Variants in GRM1 observed in about 807,000 individuals in gnomAD.
GRM1 encodes metabotropic glutamate receptor 1.
Under a neutral mutation model 90.9 loss-of-function variants are expected in GRM1, and 33 were observed. That is an observed-to-expected ratio of 0.36 (90% CI 0.28 to 0.49). GRM1 has a LOEUF of 0.49. Among genes scored for constraint, GRM1 ranks in the 20% least tolerant of loss-of-function variants. GRM1 has a pLI of 0.99. For missense variants in GRM1, 1,190 were observed against 1,534.3 expected, an observed-to-expected ratio of 0.78 and a Z score of 3.75; for synonymous variants, 700 against 613.2, an observed-to-expected ratio of 1.14 and a Z score of -2.09.
intron 2 of GRM1, among the ~76,000 whole-genome samples, chr6:146,270,956 T>TTCCTTCCTTCCTTC (rs1562571418): frequency 2.0e-4 from 17 of 84,550 alleles, no homozygotes; most frequent in African/African-American, 1.0e-3. Context: ...TTCCTTCCTT[T>TTCCTTCCTTCCTTC]CTTTCTTTCT....
At position 146,029,771 on chromosome 6, in the gene GRM1, C is replaced by T. The variant is rs1790643808; in HGVS notation, c.254C>T (p.Thr85Met). 1 of 1,614,072 alleles carries T rather than the reference C, an allele frequency of 6.2e-7. No individual in the cohort carries two copies. The highest frequency in any genetic ancestry group is 8.5e-7 in the Non-Finnish European group (1 of 1,179,974). ...CAGAGGGTGGAGGCCATGTTCCACA[C>T]GTTGGATAAGATCAACGCGGACCCG... ...GIQRVEAMFH[T>M]LDKINADPVL... Residue 85 changes from threonine to methionine, a missense_variant, in exon 1 of 8, where the codon ACG (threonine) becomes ATG (methionine). Around this residue, in one of 10 missense-constraint regions of GRM1, gnomAD observed 91 missense variants for 95.6 expected, o/e 0.95. Transcript: ENST00000282753.
intron 1 of GRM1, among the ~76,000 whole-genome samples, chr6:146,143,892 T>A (rs1776991482): frequency 1.3e-5 from 2 of 152,164 alleles, no homozygotes; most frequent in Admixed American, 1.3e-4. Context: ...ATTTTGAACA[T>A]GAATAAAGAA....
chr6:146,039,019 G>A (rs1790997369), intron 1 of GRM1, among the ~76,000 whole-genome samples: 1 of 151,946 alleles, frequency 6.6e-6, no homozygotes, highest in Non-Finnish European at 1.5e-5. Flanking sequence ...CAGAGAAGAA[G>A]TCATGTCCAG....
Position 146,029,796 on chromosome 6 carries a change from G to A in GRM1, c.279G>A (p.Pro93=), listed in dbSNP as rs762412199. 1.9e-6 allele frequency: 3 copies of A among 1,613,900 alleles called. No homozygotes were observed. The highest frequency in any genetic ancestry group is 2.7e-5 in the African/African-American group (2 of 74,880). ...FHTLDKINAD[P]VLLPNITLGS... ...CGTTGGATAAGATCAACGCGGACCC[G>A]GTCCTCCTGCCCAACATCACCCTGG... is the stretch of plus-strand genomic sequence containing the variant. Residue 93 remains proline (P), a synonymous_variant, in exon 1 of 8, where the codon CCG becomes CCA. Transcript: ENST00000282753.
At chr6:146,205,603 G>A (rs1779468396) in intron 2 of GRM1, among the ~76,000 whole-genome samples, 1 of 152,184 alleles carries the variant, frequency 6.6e-6, no homozygotes, top group Admixed American at 6.5e-5. Context: ...TAACAATGCA[G>A]CATATTCTTC....
At chr6:146,404,057 T>G (rs1777248135) in intron 7 of GRM1, among the ~76,000 whole-genome samples, 1 of 152,142 alleles carries the variant, frequency 6.6e-6, no homozygotes, top group Non-Finnish European at 1.5e-5. Flanking sequence ...CATTTACTAT[T>G]CTGGCTCACA....
chr6:146,332,333 A>G (rs887183743), intron 3 of GRM1, among the ~76,000 whole-genome samples: 3 of 152,276 alleles, frequency 2.0e-5, no homozygotes, highest in South Asian at 2.1e-4. Context: ...GGATGAATCA[A>G]TCCTAAGCCT....
intron 2 of GRM1, among the ~76,000 whole-genome samples, chr6:146,286,046 T>G (rs555511470): frequency 3.9e-5 from 6 of 152,338 alleles, no homozygotes; most frequent in Admixed American, 3.9e-4. Flanking sequence ...ACATTCAAAC[T>G]AAGTTATACT....
At chr6:146,329,636 G>A (rs1043931028) in intron 3 of GRM1, among the ~76,000 whole-genome samples, 2 of 152,116 alleles carry the variant, frequency 1.3e-5, no homozygotes, top group African/African-American at 4.8e-5. Flanking sequence ...GATGCTCCTT[G>A]ACTTATGATG....
At chr6:146,324,417 AC>A (rs1003132371) in intron 3 of GRM1, among the ~76,000 whole-genome samples, 41 of 152,130 alleles carry the variant, frequency 2.7e-4, no homozygotes, top group African/African-American at 9.9e-4. Context: ...TCTCTCACTG[AC>A]ATTTCAGGCT....
chr6:146,258,897 C>G (rs1583233541), intron 2 of GRM1, among the ~76,000 whole-genome samples: 1 of 152,148 alleles, frequency 6.6e-6, no homozygotes. Context: ...CTAGCTGCAG[C>G]ATCTTGTTCA....
chr6:146,339,596 T>G (rs1784897399), intron 3 of GRM1, among the ~76,000 whole-genome samples: 1 of 152,236 alleles, frequency 6.6e-6, no homozygotes, highest in South Asian at 2.1e-4. Context: ...ATGCTTCAGT[T>G]AGATCATCAT....
chr6:146,392,084 A>T (rs552004719), intron 6 of GRM1, among the ~76,000 whole-genome samples: 4 of 152,174 alleles, frequency 2.6e-5, no homozygotes, highest in Non-Finnish European at 5.9e-5. Context: ...CATTAGGGGA[A>T]CTTGGATTTA....
intron 2 of GRM1, among the ~76,000 whole-genome samples, chr6:146,196,602 G>A (rs754998452): frequency 2.0e-5 from 3 of 151,506 alleles, no homozygotes; most frequent in Non-Finnish European, 2.9e-5. Flanking sequence ...ACCATGCCCG[G>A]CCGTTCAGTT....
intron 7 of GRM1, among the ~76,000 whole-genome samples, chr6:146,429,999 T>C (rs564144380): frequency 1.3e-5 from 2 of 152,280 alleles, no homozygotes; most frequent in South Asian, 4.2e-4. Context: ...TGCAGGAGGC[T>C]TCCCTCCTGA....
intron 1 of GRM1, among the ~76,000 whole-genome samples, chr6:146,113,344 A>G (rs1275595931): frequency 6.6e-6 from 1 of 152,218 alleles, no homozygotes; most frequent in Non-Finnish European, 1.5e-5. Context: ...TGCAACTTAA[A>G]GCTTCATGAT....
At chr6:146,262,807 G>A (rs575874272) in intron 2 of GRM1, among the ~76,000 whole-genome samples, 6 of 151,918 alleles carry the variant, frequency 3.9e-5, no homozygotes, top group African/African-American at 1.4e-4. Context: ...AATATTTGTT[G>A]AGTAAATGTT....
chr6:146,353,464 T>C (rs1301934641), intron 4 of GRM1, among the ~76,000 whole-genome samples: 1 of 152,198 alleles, frequency 6.6e-6, no homozygotes, highest in African/African-American at 2.4e-5. Context: ...GATCATTGTC[T>C]TTCTTTTACA....
intron 3 of GRM1, among the ~76,000 whole-genome samples, chr6:146,326,607 A>C (rs1481529191): frequency 6.6e-6 from 1 of 152,136 alleles, no homozygotes; most frequent in East Asian, 1.9e-4. Context: ...AAAAAAATAA[A>C]AGTGATATGA....
Sources: allele counts gnomAD v4.1 joint callset (sites outside exome capture counted in the v4.1 genomes callset), GRCh38; gene constraint gnomAD v4.1.1; regional missense constraint gnomAD v4.1.1; transcripts MANE v1.5; gene names NCBI Gene and HGNC (gene_info 2026-07-23, HGNC 2026-07-21).